The following SYNE4 variants were observed in gnomAD, a reference collection of about 807,000 sequenced individuals.
SYNE4 encodes spectrin repeat containing nuclear envelope family member 4, also known as nesprin-4.
SYNE4 carries 41 observed loss-of-function variants against 46.9 expected under a neutral mutation model. The observed-to-expected ratio is 0.87, with a 90% CI of 0.68 to 1.13. SYNE4 has a LOEUF of 1.13. Among genes scored for constraint, SYNE4 ranks in the 50% most tolerant of loss-of-function variants. SYNE4 has a pLI of 0.00. For missense variants in SYNE4, 492 were observed against 514.8 expected (o/e 0.96, Z 0.43); for synonymous variants, 221 against 219.5 (o/e 1.01, Z -0.06).
At position 36,008,600 on chromosome 19, in the gene SYNE4, T is replaced by C. The variant is rs747534534; in HGVS notation, c.82A>G (p.Ile28Val). Residue 28 changes from isoleucine to valine, a missense_variant, in exon 1 of 8, where the codon ATT becomes GTT. Physicochemically the swap from Ile to Val is conservative, Grantham distance 29. Transcript: ENST00000324444. ...HPPGAPREADIVGCTVCPASG... is the reference protein window; with the variant it reads ...HPPGAPREADVVGCTVCPASG... The stretch of plus-strand genomic sequence containing the variant: ...GCGGGGCAGACGGTGCATCCAACAA[T>C]GTCCGCCTCTCTAGGTGCTCCCGGT... 2 of 1,613,990 alleles carry C rather than the reference T, an allele frequency of 1.2e-6. No individual in the cohort carries two copies. Among genetic ancestry groups the C allele is most frequent in the South Asian group, 1.1e-5 (1 of 91,070 alleles).
intron 6 of SYNE4, among the ~76,000 whole-genome samples, chr19:36,004,242 T>C (rs887078452): frequency 6.6e-6 from 1 of 152,172 alleles, no homozygotes; most frequent in Non-Finnish European, 1.5e-5. Flanking sequence ...AGGCTGGTCT[T>C]GAACTCCTGG....
intron 7 of SYNE4, 31 bp from the exon 8 acceptor site, chr19:36,003,551 A>G: frequency 6.2e-7 from 1 of 1,600,450 alleles, no homozygotes; most frequent in Non-Finnish European, 8.5e-7. Context: ...TTAAACATAC[A>G]GGTGGGCTGC....
chr19:36,007,666 C>T, intron 2 of SYNE4: 16 of 929,904 alleles, frequency 1.7e-5, no homozygotes, highest in Non-Finnish European at 1.9e-5. Context: ...CACTTGAGCC[C>T]AGGAGTTCAA....
chr19:36,006,308 GA>G, intron 5 of SYNE4, 114 bp downstream of exon 5: 1 of 1,339,542 alleles, frequency 7.5e-7, no homozygotes, highest in Non-Finnish European at 1.0e-6. Flanking sequence ...GACAGAGATA[GA>G]GGGGGAGACA....
chr19:36,004,381 A>C (rs534611188), intron 6 of SYNE4, among the ~76,000 whole-genome samples: 1 of 152,190 alleles, frequency 6.6e-6, no homozygotes, highest in South Asian at 2.1e-4. Flanking sequence ...AGCTGGTCTT[A>C]TTTCTTCTCC....
In SYNE4 at chr19:36,008,809, G is replaced by A; in HGVS notation, c.-128C>T. The A allele has an allele frequency of 3.5e-6, 5 of 1,434,214 alleles. No homozygotes were observed. Among genetic ancestry groups the A allele is most frequent in the Non-Finnish European group, 4.6e-6 (5 of 1,097,420 alleles). The allele number at this position is 1,434,214 out of a possible 1,614,324, so 88.8% of individuals were successfully genotyped here. On this transcript the variant is annotated 5_prime_UTR_variant, in exon 1 of 8. Coordinates refer to ENST00000324444, the MANE Select transcript of SYNE4 (RefSeq NM_001039876.3). ...GAGGCTGCAGGAGAGGCCCAGGACA[G>A]GTCTGGCTCCGCCCCTTCCAAGAGG...
chr19:36,008,749 G>A lies in SYNE4; in HGVS notation c.-68C>T. ...TAAGACCTCTTCCCTAGACAAGGGT[G>A]TCCCAGAGCTCCTCCGCTGGAGTCA... On this transcript the variant is annotated 5_prime_UTR_variant, in exon 1 of 8. Coordinates refer to ENST00000324444, the MANE Select transcript of SYNE4 (RefSeq NM_001039876.3). 6.6e-7 allele frequency: 1 copy of A among 1,512,380 alleles called. No homozygotes were observed. The allele number at this position is 1,512,380 out of a possible 1,614,324, so 93.7% of individuals were successfully genotyped here. A position where few individuals can be genotyped will look rare whatever the true frequency, so the allele number is the denominator to read the frequency against.
Position 36,008,615 on chromosome 19 carries a change from G to A in SYNE4, c.67C>T (p.Pro23Ser). 2 of 1,614,076 alleles carry A rather than the reference G, an allele frequency of 1.2e-6. No homozygotes were observed. The highest frequency in any genetic ancestry group is 2.2e-5 in the South Asian group (2 of 91,084). ...CATCCAACAATGTCCGCCTCTCTAG[G>A]TGCTCCCGGTGGGTGGTTGAGGGGC... is the stretch of plus-strand genomic sequence containing the variant. The part of the protein sequence containing the change: ...SEPLNHPPGA[P>S]READIVGCTV... Residue 23 changes from proline to serine, a missense_variant, in exon 1 of 8, where the codon CCT becomes TCT. Coordinates refer to ENST00000324444, the MANE Select transcript of SYNE4 (RefSeq NM_001039876.3).
chr19:36,003,625 T>C lies in SYNE4; in HGVS notation c.1019A>G (p.Glu340Gly). The C allele has an allele frequency of 6.2e-7, 1 of 1,613,200 alleles. No homozygotes were observed. The highest frequency in any genetic ancestry group is 8.5e-7 in the Non-Finnish European group (1 of 1,179,710). ...ASPHLQDVRL[E>G]GNPGAPDPAS... Reference sequence around the variant, plus strand: ...TCAGGCACCTCACCCTGGATTCCCCTCCAGCCTCACATCCTGGAGATGAGG... The same window carrying C: ...TCAGGCACCTCACCCTGGATTCCCCCCCAGCCTCACATCCTGGAGATGAGG... The change falls in exon 7 of 8, where the codon GAG (glutamate) becomes GGG (glycine). Residue 340 changes from glutamate (E) to glycine (G), a missense_variant. By Grantham distance (98) the Glu-to-Gly change is moderately conservative. Transcript: ENST00000324444.
chr19:36,007,686 G>GGGCA, intron 2 of SYNE4: 1 of 705,000 alleles, frequency 1.4e-6, no homozygotes, highest in Non-Finnish European at 1.7e-6. Context: ...AGACCAGCCT[G>GGGCA]GGCAACATGG....
rs1976749066 is a variant in SYNE4 at position 36,003,617 on chromosome 19, G to A, written c.1027C>T (p.Pro343Ser). ...HLQDVRLEGN[P>S]GAPDPASRQP... ...CCCATCTCTCAGGCACCTCACCCTG[G>A]ATTCCCCTCCAGCCTCACATCCTGG... is the stretch of plus-strand genomic sequence containing the variant. Residue 343 changes from proline to serine, a missense_variant, in exon 7 of 8, where the codon CCA becomes TCA. Physicochemically the swap from Pro to Ser is moderately conservative, Grantham distance 74 (BLOSUM62 -1). Coordinates refer to ENST00000324444, the MANE Select transcript of SYNE4 (RefSeq NM_001039876.3). The A allele has an allele frequency of 6.2e-7, 1 of 1,613,008 alleles. No individual in the cohort carries two copies. The highest frequency in any genetic ancestry group is 1.1e-5 in the South Asian group (1 of 90,666).
intron 3 of SYNE4, 39 bp from the exon 4 acceptor site, chr19:36,006,983 G>A: frequency 6.5e-7 from 1 of 1,532,476 alleles, no homozygotes; most frequent in Non-Finnish European, 8.8e-7. Context: ...ACACACCAGG[G>A]ACCCAAAACC....
chr19:36,007,816 G>A (rs1254628611), intron 2 of SYNE4, among the ~76,000 whole-genome samples: 1 of 151,896 alleles, frequency 6.6e-6, no homozygotes, highest in Admixed American at 6.6e-5. Flanking sequence ...CTGAGGTCGG[G>A]AGTTCGAGAC....
In SYNE4 at chr19:36,006,641, C is replaced by A; in HGVS notation, c.649G>T (p.Asp217Tyr). The change falls in exon 5 of 8, where the codon GAC becomes TAC. Residue 217 changes from aspartate to tyrosine, a missense_variant. Asp to Tyr is a radical substitution (Grantham distance 160). Transcript: ENST00000324444. ...TCCGAGTCTCCCTCGACCTCCAAGTCCTGGTCCAGCGTGTTGGCCTCCTCG... is the reference window on the plus strand; with the variant it reads ...TCCGAGTCTCCCTCGACCTCCAAGTACTGGTCCAGCGTGTTGGCCTCCTCG... ...VFEEANTLDQ[D>Y]LEVEGDSDWP... 2 of 1,608,786 alleles carry A rather than the reference C, an allele frequency of 1.2e-6. No homozygotes were observed. Among genetic ancestry groups the A allele is most frequent in the Non-Finnish European group, 1.7e-6 (2 of 1,176,866 alleles).
In SYNE4 at chr19:36,008,630, G is replaced by A. The variant is rs1378832006; in HGVS notation, c.52C>T (p.His18Tyr). The A allele has an allele frequency of 6.2e-7, 1 of 1,614,060 alleles. No individual in the cohort carries two copies. Among genetic ancestry groups the A allele is most frequent in the Non-Finnish European group, 8.5e-7 (1 of 1,179,962 alleles). The change falls in exon 1 of 8, where the codon CAC becomes TAC. Residue 18 changes from histidine to tyrosine, a missense_variant. Transcript: ENST00000324444. ...GCCTCTCTAGGTGCTCCCGGTGGGT[G>A]GTTGAGGGGCTCTGAGCCAAGTCTA... Reference protein sequence around the residue: ...GPRLGSEPLNHPPGAPREADI... With the variant: ...GPRLGSEPLNYPPGAPREADI...
At chr19:36,004,864 TTC>T (rs1976791681) in intron 6 of SYNE4, among the ~76,000 whole-genome samples, 1 of 141,276 alleles carries the variant, frequency 7.1e-6, no homozygotes, top group African/African-American at 2.7e-5. Flanking sequence ...ATTTCTTTCT[TTC>T]TTTTTTTTTT....
At chr19:36,004,930 T>G (rs1276933617) in intron 6 of SYNE4, among the ~76,000 whole-genome samples, 2 of 136,390 alleles carry the variant, frequency 1.5e-5, no homozygotes, top group African/African-American at 5.5e-5. Flanking sequence ...CAGACTGGAG[T>G]GCAGTGGTGG....
chr19:36,006,402 C>T (rs1462743471), intron 5 of SYNE4, 21 bp downstream of exon 5: 46 of 1,580,000 alleles, frequency 2.9e-5, no homozygotes, highest in Non-Finnish European at 3.4e-5. Flanking sequence ...CAGAAGGTCC[C>T]TCAAGGGGGT....
intron 6 of SYNE4, among the ~76,000 whole-genome samples, chr19:36,004,056 T>C (rs1231468548): frequency 6.6e-6 from 1 of 152,158 alleles, no homozygotes; most frequent in Non-Finnish European, 1.5e-5. Flanking sequence ...TCACCCAGGC[T>C]GGAGTGCAGT....
Sources: allele counts gnomAD v4.1 joint callset (sites outside exome capture counted in the v4.1 genomes callset), GRCh38; gene constraint gnomAD v4.1.1; transcripts MANE v1.5; gene names NCBI Gene and HGNC (gene_info 2026-07-23, HGNC 2026-07-21).